LRRK2: variants seen among roughly 807,000 people sequenced by gnomAD.
LRRK2 encodes leucine-rich repeat serine/threonine-protein kinase 2.
Under a neutral mutation model 302.6 loss-of-function variants are expected in LRRK2, and 203 were observed. That is an observed-to-expected ratio of 0.67 (90% CI 0.60 to 0.75). LRRK2 has a LOEUF of 0.75. Ranked by LOEUF, LRRK2 falls within the 30% of genes least tolerant of loss-of-function variation. The pLI is 0.00. For missense variants in LRRK2, 2,830 were observed against 2,951.0 expected, an observed-to-expected ratio of 0.96 and a Z score of 0.95; for synonymous variants, 1,066 against 1,031.9, an observed-to-expected ratio of 1.03 and a Z score of -0.63.
intron 8 of LRRK2, among the ~76,000 whole-genome samples, chr12:40,250,911 A>G (rs886873783): frequency 6.6e-6 from 1 of 151,568 alleles, no homozygotes; most frequent in Non-Finnish European, 1.5e-5. Context: ...TCTATCATTG[A>G]TGGGCATTTG....
rs749306763 is a variant in LRRK2, at chr12:40,294,832, T to C, written c.2809-13T>C. 2.4e-5 allele frequency: 34 copies of C among 1,441,144 alleles called. No homozygotes were observed. Among genetic ancestry groups the C allele is most frequent in the Non-Finnish European group, 3.0e-5 (31 of 1,030,842 alleles). 89.3% of individuals were successfully genotyped at this position (1,441,144 alleles called of 1,614,324 possible). A position where few individuals can be genotyped will look rare whatever the true frequency, so the allele number is the denominator to read the frequency against. ...AAATGACAGCAATTTTATTATAAAT[T>C]ATTTTTTAATAGGGGCCCATTTTTG... is the stretch of plus-strand genomic sequence containing the variant. On this transcript the variant is annotated splice_polypyrimidine_tract_variant and intron_variant, in intron 21 of 50. Transcript: ENST00000298910.
intron 44 of LRRK2, among the ~76,000 whole-genome samples, chr12:40,352,988 C>T (rs556859128): frequency 9.9e-4 from 151 of 152,342 alleles, no homozygotes; most frequent in Non-Finnish European, 1.6e-3. Flanking sequence ...ACCTCCCAGA[C>T]GGGGTGGCAG....
At chr12:40,268,614 A>AATAGTATTTTCTG (rs1943115729) in intron 14 of LRRK2, among the ~76,000 whole-genome samples, 1 of 152,172 alleles carries the variant, frequency 6.6e-6, no homozygotes, top group Non-Finnish European at 1.5e-5. Flanking sequence ...TAAAAATAAC[A>AATAGTATTTTCTG]ATAGTATTTT....
chr12:40,320,078 A>C lies in LRRK2; in HGVS notation c.4918A>C (p.Lys1640Gln). Residue 1640 changes from lysine to glutamine, a missense_variant, in exon 34 of 51, where the codon AAA (lysine) becomes CAA (glutamine). Physicochemically the swap from Lys to Gln is moderately conservative, Grantham distance 53 (BLOSUM62 1). Transcript: ENST00000298910. ...DVEKFLSKKR[K>Q]FPKNYMSQYF... ...GGAAAAATTTCTTTCAAAAAAAAGG[A>C]AATTTCCAAAGAACTACATGTCACA... The C allele has an allele frequency of 6.2e-7, 1 of 1,611,672 alleles. No individual in the cohort carries two copies. The highest frequency in any genetic ancestry group is 1.3e-5 in the African/African-American group (1 of 74,876).
intron 13 of LRRK2, among the ~76,000 whole-genome samples, chr12:40,261,405 G>A (rs1457917234): frequency 6.6e-6 from 1 of 152,070 alleles, no homozygotes; most frequent in Non-Finnish European, 1.5e-5. Flanking sequence ...GATCCTGAAG[G>A]AAAATTGTTA....
At chr12:40,306,002 T>C (rs1245856251) in intron 28 of LRRK2, 36 bp downstream of exon 28, 1 of 1,487,676 alleles carries the variant, frequency 6.7e-7, no homozygotes, top group South Asian at 1.2e-5. Flanking sequence ...TTTACTAAAT[T>C]TATTTCAGAT....
intron 39 of LRRK2, among the ~76,000 whole-genome samples, chr12:40,331,448 AT>A (rs951216058): frequency 2.6e-5 from 4 of 151,716 alleles, no homozygotes; most frequent in Non-Finnish European, 5.9e-5. Context: ...GTGCTGCATT[AT>A]TTTTTTTGCT....
intron 2 of LRRK2, among the ~76,000 whole-genome samples, chr12:40,229,441 A>G (rs931447548): frequency 6.6e-6 from 1 of 152,148 alleles, no homozygotes; most frequent in Non-Finnish European, 1.5e-5. Context: ...TTCTTCATAA[A>G]TGACAGTCTT....
intron 31 of LRRK2, among the ~76,000 whole-genome samples, chr12:40,311,644 T>C (rs1945041164): frequency 6.6e-6 from 1 of 152,186 alleles, no homozygotes; most frequent in Non-Finnish European, 1.5e-5. Flanking sequence ...TATAACTCCA[T>C]GCTGGCCAGT....
intron 33 of LRRK2, among the ~76,000 whole-genome samples, chr12:40,316,075 G>A (rs902702688): frequency 1.8e-4 from 27 of 151,984 alleles, no homozygotes; most frequent in Admixed American, 5.3e-4. Flanking sequence ...ATATTGCTTG[G>A]AGAATGTGAA....
chr12:40,283,752 T>G, intron 18 of LRRK2, 123 bp from the exon 19 acceptor site: 1 of 806,346 alleles, frequency 1.2e-6, no homozygotes, highest in Non-Finnish European at 1.9e-6. Flanking sequence ...TTTTGCCTTA[T>G]TTTATTTTGT....
At chr12:40,295,722 C>A in intron 23 of LRRK2, 78 bp downstream of exon 23, 12 of 1,368,228 alleles carry the variant, frequency 8.8e-6, no homozygotes, top group Non-Finnish European at 1.2e-5. Flanking sequence ...ATAATTAAGT[C>A]GTTTAAAAGA....
chr12:40,367,153 AT>A (rs1946903077), intron 50 of LRRK2, 76 bp downstream of exon 50: 1 of 1,184,952 alleles, frequency 8.4e-7, no homozygotes, highest in South Asian at 1.3e-5. Context: ...TGTTTCATAA[AT>A]TTGTAGAAAA....
chr12:40,268,966 C>T (rs182549173), intron 14 of LRRK2, among the ~76,000 whole-genome samples: 139 of 152,240 alleles, frequency 9.1e-4, no homozygotes, highest in Admixed American at 3.6e-3. Flanking sequence ...TTATCTTACT[C>T]CTTTTGCCAA....
At chr12:40,346,546 C>T (rs953707542) in intron 41 of LRRK2, among the ~76,000 whole-genome samples, 1 of 151,914 alleles carries the variant, frequency 6.6e-6, no homozygotes, top group African/African-American at 2.4e-5. Context: ...TTTTATTGTC[C>T]TGTGTGGTCA....
intron 2 of LRRK2, among the ~76,000 whole-genome samples, chr12:40,226,409 A>G (rs145631755): frequency 6.6e-6 from 1 of 152,352 alleles, no homozygotes; most frequent in Non-Finnish European, 1.5e-5. Context: ...TCTGCATGTT[A>G]ACTCATGCAG....
At chr12:40,291,698 G>A (rs1205362660) in intron 20 of LRRK2, among the ~76,000 whole-genome samples, 1 of 151,874 alleles carries the variant, frequency 6.6e-6, no homozygotes, top group African/African-American at 2.4e-5. Context: ...ATATTCAGCT[G>A]TTATTGGGTC....
rs1484372271 is a variant in LRRK2 at position 40,284,076 on chromosome 12, C to A, written c.2443C>A (p.Pro815Thr). ...AGGATTTTGTATAGGAAAAGTTGAA[C>A]CTTCTTGGCTTGGTCCTTTATTTCC... Reference protein sequence around the residue: ...LGGFCIGKVEPSWLGPLFPDK... With the variant: ...LGGFCIGKVETSWLGPLFPDK... Residue 815 changes from proline to threonine, a missense_variant, in exon 19 of 51, where the codon CCT becomes ACT. Physicochemically the swap from Pro to Thr is conservative, Grantham distance 38. This residue lies in a region of LRRK2 where 2,121 missense variants were observed against 2,148.0 expected (regional missense o/e 0.99). Coordinates refer to ENST00000298910, the MANE Select transcript of LRRK2 (RefSeq NM_198578.4). 2 of 1,613,130 alleles carry A rather than the reference C, an allele frequency of 1.2e-6. No individual in the cohort carries two copies. The highest frequency in any genetic ancestry group is 1.7e-6 in the Non-Finnish European group (2 of 1,179,454).
intron 20 of LRRK2, among the ~76,000 whole-genome samples, chr12:40,288,812 G>C (rs182264139): frequency 6.6e-6 from 1 of 151,970 alleles, no homozygotes. Flanking sequence ...CTAGATAGAA[G>C]TTGTGACAGG....
Sources: gnomAD v4.1 joint callset for allele counts (sites outside exome capture counted in the v4.1 genomes callset) on GRCh38, gnomAD v4.1.1 for gene constraint, gnomAD v4.1.1 regional missense constraint, MANE v1.5 for transcripts, NCBI Gene and HGNC (gene_info 2026-07-23, HGNC 2026-07-21) for gene names.